Variants in ROCK1 observed in about 807,000 individuals in gnomAD.
ROCK1 encodes Rho associated coiled-coil containing protein kinase 1.
A neutral mutation model predicts 196.8 loss-of-function variants in ROCK1; 36 were observed. That is an observed-to-expected ratio of 0.18 (90% CI 0.14 to 0.24). The LOEUF is 0.24. Among genes scored for constraint, ROCK1 ranks in the 10% least tolerant of loss-of-function variants. The pLI is 1.00. For missense variants in ROCK1, 920 were observed against 1,562.0 expected, an observed-to-expected ratio of 0.59 and a Z score of 6.93; for synonymous variants, 443 against 515.9, an observed-to-expected ratio of 0.86 and a Z score of 1.91.
At chr18:20,984,330 A>C in intron 20 of ROCK1, 21 bp downstream of exon 20, 1 of 1,550,084 alleles carries the variant, frequency 6.5e-7, no homozygotes, top group East Asian at 2.2e-5. Flanking sequence ...AAGAAATCAC[A>C]ATGTTATTTT....
At chr18:21,107,014 G>A (rs1322834653) in intron 1 of ROCK1, among the ~76,000 whole-genome samples, 1 of 152,142 alleles carries the variant, frequency 6.6e-6, no homozygotes, top group Non-Finnish European at 1.5e-5. Context: ...AAGATACCCT[G>A]GGGATGGGGA....
chr18:21,084,489 A>C (rs1389657854), intron 1 of ROCK1, among the ~76,000 whole-genome samples: 1 of 152,220 alleles, frequency 6.6e-6, no homozygotes, highest in Non-Finnish European at 1.5e-5. Flanking sequence ...ATGGCCAATA[A>C]GCACATGAAA....
chr18:20,969,081 T>C, intron 24 of ROCK1, 34 bp downstream of exon 24: 1 of 1,352,252 alleles, frequency 7.4e-7, no homozygotes, highest in African/African-American at 1.4e-5. Context: ...CTGAATTTGA[T>C]TTAACATGAT....
chr18:20,967,873 G>T lies in ROCK1; in HGVS notation c.3071C>A (p.Thr1024Lys). The T allele has an allele frequency of 6.2e-7, 1 of 1,600,348 alleles. No homozygotes were observed. ...DFKIDRKKAN[T>K]QDLRKKEKEN... ...CTTTTCTTTCTTTCTCAAATCTTGT[G>T]TATTAGCTTTCTTTCTATCAATTTT... The change falls in exon 26 of 33, where the codon ACA (threonine) becomes AAA (lysine). Residue 1024 changes from threonine (T) to lysine (K), a missense_variant. By Grantham distance (78) the Thr-to-Lys change is moderately conservative. Coordinates refer to ENST00000399799, the MANE Select transcript of ROCK1 (RefSeq NM_005406.3).
At chr18:21,074,321 C>T (rs1180914095) in intron 1 of ROCK1, among the ~76,000 whole-genome samples, 3 of 152,160 alleles carry the variant, frequency 2.0e-5, no homozygotes, top group African/African-American at 7.2e-5. Flanking sequence ...TTACTATACC[C>T]ATGTCAATGC....
rs1243752272 is a variant in ROCK1 at position 20,951,165 on chromosome 18, T to C, written c.*219A>G. On this transcript the variant is annotated 3_prime_UTR_variant, in exon 33 of 33. Transcript: ENST00000399799. ...AAGCTTTCCCCCAACTGTACTTGCATTACATAGTAATAATTAATCTAATCT... is the reference window on the plus strand; with the variant it reads ...AAGCTTTCCCCCAACTGTACTTGCACTACATAGTAATAATTAATCTAATCT... 2 of 408,694 alleles carry C rather than the reference T, an allele frequency of 4.9e-6. No homozygotes were observed. The highest frequency in any genetic ancestry group is 9.0e-6 in the Non-Finnish European group (2 of 222,690). The allele number at this position is 408,694 out of a possible 1,614,324, so 25.3% of individuals were successfully genotyped here.
At chr18:21,055,044 G>A (rs1313590784) in intron 2 of ROCK1, among the ~76,000 whole-genome samples, 1 of 151,998 alleles carries the variant, frequency 6.6e-6, no homozygotes, top group Non-Finnish European at 1.5e-5. Flanking sequence ...TACCTAGCCA[G>A]CTTAAATTAC....
In ROCK1 at chr18:21,106,809, T is replaced by C. The variant is rs189910231; in HGVS notation, c.93+4009A>G. ...ACTATTTTAGCATTTATACATGATA[T>C]GAAGATTGAACTTACTTAGTTCTTG... On this transcript the variant is annotated intron_variant, in intron 1 of 32. Coordinates refer to ENST00000399799, the MANE Select transcript of ROCK1 (RefSeq NM_005406.3). Among the ~76,000 whole-genome samples, 12 of 152,310 alleles carry C rather than the reference T, an allele frequency of 7.9e-5. No individual in the cohort carries two copies. In the East Asian group the frequency reaches 1.9e-3, roughly 24 times the overall value.
chr18:20,997,977 C>CAGGT (rs1480143331), intron 16 of ROCK1, among the ~76,000 whole-genome samples: 2 of 151,956 alleles, frequency 1.3e-5, no homozygotes, highest in South Asian at 2.1e-4. Flanking sequence ...GCTGGGACTA[C>CAGGT]AGGTGCCTGC....
chr18:21,078,513 C>T (rs1256319962), intron 1 of ROCK1, among the ~76,000 whole-genome samples: 1 of 152,090 alleles, frequency 6.6e-6, no homozygotes, highest in Non-Finnish European at 1.5e-5. Flanking sequence ...CCCGGGGCAC[C>T]TGTGCTGTAA....
intron 1 of ROCK1, among the ~76,000 whole-genome samples, chr18:21,089,861 A>G (rs1443090535): frequency 6.6e-6 from 1 of 152,236 alleles, no homozygotes; most frequent in East Asian, 1.9e-4. Flanking sequence ...ACCATCATAA[A>G]GTGGAAAAAT....
intron 2 of ROCK1, among the ~76,000 whole-genome samples, chr18:21,066,095 T>C (rs1181918109): frequency 6.6e-6 from 1 of 152,192 alleles, no homozygotes; most frequent in East Asian, 1.9e-4. Flanking sequence ...AAAATAATTT[T>C]GATGTGCTTG....
chr18:21,042,826 AT>A lies in ROCK1; in HGVS notation c.676-118del, dbSNP rs1426885177. The A allele has an allele frequency of 6.0e-6, 6 of 1,000,236 alleles. No homozygotes were observed. The East Asian group carries it at 1.6e-4, about 26-fold the overall frequency. 62.0% of individuals were successfully genotyped at this position (1,000,236 alleles called of 1,614,324 possible). A position where few individuals can be genotyped will look rare whatever the true frequency, so the allele number is the denominator to read the frequency against. On this transcript the variant is annotated intron_variant, in intron 6 of 32. Coordinates refer to ENST00000399799, the MANE Select transcript of ROCK1 (RefSeq NM_005406.3). ...AAATCTTTGAGCTATAAAATATCAT[AT>A]ATTAAAACTGAATGGAAACCTGACA...
intron 1 of ROCK1, among the ~76,000 whole-genome samples, chr18:21,092,033 T>C (rs1186784265): frequency 1.3e-5 from 2 of 152,114 alleles, no homozygotes; most frequent in Non-Finnish European, 2.9e-5. Context: ...CAAAGTTACA[T>C]GCAGATTTTC....
chr18:21,070,893 A>G (rs2036378648), intron 1 of ROCK1, among the ~76,000 whole-genome samples: 1 of 152,162 alleles, frequency 6.6e-6, no homozygotes, highest in Admixed American at 6.5e-5. Context: ...CCTCATAAGG[A>G]CATGAAATTT....
intron 1 of ROCK1, among the ~76,000 whole-genome samples, chr18:21,089,249 G>A (rs1210668015): frequency 2.0e-5 from 3 of 152,070 alleles, no homozygotes; most frequent in Non-Finnish European, 2.9e-5. Flanking sequence ...TAGTAGAGAC[G>A]GGGTTTCACC....
chr18:20,955,698 AC>A (rs2035235227), intron 29 of ROCK1, among the ~76,000 whole-genome samples: 1 of 148,148 alleles, frequency 6.8e-6, no homozygotes, highest in South Asian at 2.2e-4. Context: ...AATAACCAAA[AC>A]CTAGAAACAA....
At chr18:21,099,217 A>G (rs1050500363) in intron 1 of ROCK1, among the ~76,000 whole-genome samples, 3 of 152,186 alleles carry the variant, frequency 2.0e-5, no homozygotes, top group African/African-American at 7.2e-5. Flanking sequence ...AAAATCATAC[A>G]CCAATATGTA....
At position 21,111,330 on chromosome 18, in the gene ROCK1, G is replaced by A. The variant is rs548954560; in HGVS notation, c.-420C>T. 8 of 449,812 alleles carry A rather than the reference G, an allele frequency of 1.8e-5. No individual in the cohort carries two copies. The highest frequency in any genetic ancestry group is 1.6e-4 in the African/African-American group (8 of 48,982). The allele number at this position is 449,812 out of a possible 1,614,324, so 27.9% of individuals were successfully genotyped here. A position where few individuals can be genotyped will look rare whatever the true frequency, so the allele number is the denominator to read the frequency against. On this transcript the variant is annotated 5_prime_UTR_variant, in exon 1 of 33. Coordinates refer to ENST00000399799, the MANE Select transcript of ROCK1 (RefSeq NM_005406.3). This position sits in a 1 kb window ranked among gnomAD's most constrained non-coding sequence, Gnocchi z 4.2. ...CCTCCGGGCAACAAGGGAGGGAGAA[G>A]AGGAAAGGCGAAAGCAAAGGGCGGG...
Sources: allele counts gnomAD v4.1 joint callset (sites outside exome capture counted in the v4.1 genomes callset), GRCh38; gene constraint gnomAD v4.1.1; non-coding constraint Gnocchi (gnomAD v3.1); transcripts MANE v1.5; gene names NCBI Gene and HGNC (gene_info 2026-07-23, HGNC 2026-07-21).